Variants in COL24A1 observed in about 807,000 individuals in gnomAD.
The protein encoded by COL24A1 is collagen alpha-1(XXIV) chain.
COL24A1 carries 224 observed loss-of-function variants against 253.9 expected under a neutral mutation model. The observed-to-expected ratio is 0.88, with a 90% CI of 0.79 to 0.99. The LOEUF (loss-of-function observed/expected upper bound fraction) is 0.99. Among genes scored for constraint, COL24A1 ranks in the 50% least tolerant of loss-of-function variants. The probability of loss-of-function intolerance (pLI) is 0.00; values close to 1 mark genes in which losing one functional copy is unlikely to be tolerated. For missense variants in COL24A1, 2,131 were observed against 2,068.5 expected (o/e 1.03, Z -0.59); for synonymous variants, 685 against 673.7 (o/e 1.02, Z -0.26).
intron 22 of COL24A1, 142 bp from the exon 23 acceptor site, chr1:85,965,204 C>T: frequency 1.5e-6 from 1 of 651,384 alleles, no homozygotes; most frequent in Non-Finnish European, 2.5e-6. Flanking sequence ...TTTCATCATA[C>T]TCATTTGCCA....
intron 47 of COL24A1, among the ~76,000 whole-genome samples, chr1:85,790,064 TA>T (rs1198867553): frequency 2.6e-5 from 4 of 152,196 alleles, no homozygotes; most frequent in Non-Finnish European, 5.9e-5. Context: ...GCTGGCCTCA[TA>T]AAATGAGTTA....
Position 86,049,061 on chromosome 1 carries a change from G to A in COL24A1, c.1905+1063C>T, listed in dbSNP as rs185977752. On this transcript the variant is annotated intron_variant, in intron 11 of 59. Coordinates refer to ENST00000370571, the MANE Select transcript of COL24A1 (RefSeq NM_152890.7). ...AAGAAGTAGCAGATCAATTCTCTGC[G>A]TGATCGGTGAGATACATCCTCCGTT... Among the ~76,000 whole-genome samples, 650 of 152,284 alleles carry A rather than the reference G, an allele frequency of 4.3e-3. 4 individuals carry two copies. Among genetic ancestry groups the A allele is most frequent in the Non-Finnish European group, 7.1e-3 (483 of 68,026 alleles).
intron 35 of COL24A1, among the ~76,000 whole-genome samples, chr1:85,869,117 G>A (rs1049832279): frequency 6.6e-6 from 1 of 152,000 alleles, no homozygotes; most frequent in African/African-American, 2.4e-5. Flanking sequence ...TATCCATTTG[G>A]TAGCTCTAGA....
chr1:86,012,372 G>T (rs948534148), intron 19 of COL24A1, among the ~76,000 whole-genome samples: 1 of 152,060 alleles, frequency 6.6e-6, no homozygotes, highest in Non-Finnish European at 1.5e-5. Flanking sequence ...GGCAGATCAC[G>T]AGGTCAGGAG....
At chr1:85,848,319 G>GT (rs970565850) in intron 38 of COL24A1, among the ~76,000 whole-genome samples, 7 of 151,618 alleles carry the variant, frequency 4.6e-5, no homozygotes, top group African/African-American at 1.2e-4. Context: ...TTTTGTTGTT[G>GT]TTTTTTTTGA....
At chr1:85,895,527 A>G (rs1442942941) in intron 31 of COL24A1, among the ~76,000 whole-genome samples, 4 of 152,198 alleles carry the variant, frequency 2.6e-5, no homozygotes, top group African/African-American at 7.2e-5. Context: ...AGTAACAGTT[A>G]TAACCACCAG....
At chr1:86,076,829 T>C (rs563093431) in intron 7 of COL24A1, among the ~76,000 whole-genome samples, 1 of 152,170 alleles carries the variant, frequency 6.6e-6, no homozygotes, top group Non-Finnish European at 1.5e-5. Context: ...TTACACCTTA[T>C]ACAAAAATTA....
chr1:85,789,839 G>A (rs763146185), intron 47 of COL24A1, among the ~76,000 whole-genome samples: 16 of 152,036 alleles, frequency 1.1e-4, no homozygotes, highest in African/African-American at 2.7e-4. Flanking sequence ...TTCTGTTTAC[G>A]TGATGAATTA....
chr1:86,121,157 G>A (rs1647285456), intron 3 of COL24A1, among the ~76,000 whole-genome samples: 2 of 152,132 alleles, frequency 1.3e-5, no homozygotes, highest in Non-Finnish European at 2.9e-5. Context: ...GAAGGGCAGG[G>A]GGAGGGATAG....
At chr1:85,783,286 A>T (rs1301904313) in intron 51 of COL24A1, among the ~76,000 whole-genome samples, 1 of 64,362 alleles carries the variant, frequency 1.6e-5, no homozygotes, top group Non-Finnish European at 5.1e-5. Context: ...TTTAAGTAAG[A>T]CTAGGAAGTA....
chr1:85,814,938 A>G (rs532071925), intron 47 of COL24A1, among the ~76,000 whole-genome samples: 128 of 152,256 alleles, frequency 8.4e-4, no homozygotes, highest in Non-Finnish European at 9.3e-4. Context: ...CCTGAGAACA[A>G]ATGACTTCCT....
rs747216385 is a variant in COL24A1, at chr1:86,156,430, C to T, written c.-34G>A. ...ATTTGTCCGTGCAGCAAAGCGCTAA[C>T]GGAAAACAGAAGCCAACTCTGAACT... On this transcript the variant is annotated 5_prime_UTR_variant, in exon 1 of 60. Transcript: ENST00000370571. 3.7e-6 allele frequency: 6 copies of T among 1,601,516 alleles called. No individual in the cohort carries two copies. The South Asian group carries it at 5.6e-5, about 15-fold the overall frequency.
At chr1:86,151,926 G>A (rs141608790) in intron 1 of COL24A1, among the ~76,000 whole-genome samples, 2 of 152,248 alleles carry the variant, frequency 1.3e-5, no homozygotes, top group Admixed American at 1.3e-4. Context: ...AAATCTGAAA[G>A]ACACACACAC....
At chr1:85,993,752 T>C (rs1008945600) in intron 19 of COL24A1, among the ~76,000 whole-genome samples, 2 of 151,936 alleles carry the variant, frequency 1.3e-5, no homozygotes, top group Admixed American at 6.6e-5. Context: ...AAAAGAAAGG[T>C]ATTTAGTATT....
Position 85,834,613 on chromosome 1 carries a change from G to A in COL24A1, c.3681+3972C>T, listed in dbSNP as rs540611899. On this transcript the variant is annotated intron_variant, in intron 43 of 59. Coordinates refer to ENST00000370571, the MANE Select transcript of COL24A1 (RefSeq NM_152890.7). ...CTATGACCATTGCCAGCCCCCCTCC[G>A]CCCACAGCAAAAAGAACTTTGAGAT... Among the ~76,000 whole-genome samples the A allele has an allele frequency of 8.5e-5, 13 of 152,138 alleles. No homozygotes were observed. In the South Asian group the frequency reaches 1.7e-3, roughly 19 times the overall value.
chr1:85,903,297 C>T (rs1276770323), intron 28 of COL24A1, among the ~76,000 whole-genome samples: 4 of 152,102 alleles, frequency 2.6e-5, no homozygotes, highest in African/African-American at 9.7e-5. Flanking sequence ...TCTAGGAAAG[C>T]TTGGTACTCT....
intron 8 of COL24A1, among the ~76,000 whole-genome samples, chr1:86,059,395 A>T (rs1700906246): frequency 6.6e-6 from 1 of 152,188 alleles, no homozygotes; most frequent in African/African-American, 2.4e-5. Context: ...TATGATCATT[A>T]ATAATCATAA....
At chr1:85,798,241 C>T (rs1050816960) in intron 47 of COL24A1, among the ~76,000 whole-genome samples, 2 of 150,614 alleles carry the variant, frequency 1.3e-5, no homozygotes, top group Non-Finnish European at 3.0e-5. Context: ...GATCAGGAGT[C>T]ATGGAAAATT....
At chr1:86,062,794 A>G (rs750884317) in intron 8 of COL24A1, among the ~76,000 whole-genome samples, 9 of 152,148 alleles carry the variant, frequency 5.9e-5, no homozygotes, top group Non-Finnish European at 1.2e-4. Context: ...TTCGCTTGCC[A>G]TGTCTAGTAA....
Sources: gnomAD v4.1 joint callset for allele counts (sites outside exome capture counted in the v4.1 genomes callset) on GRCh38, gnomAD v4.1.1 for gene constraint, MANE v1.5 for transcripts, NCBI Gene and HGNC (gene_info 2026-07-23, HGNC 2026-07-21) for gene names.